Variants in RARB observed in about 807,000 individuals in gnomAD.
RARB encodes retinoic acid receptor beta, also known as HBV-activated protein.
In RARB, 17 loss-of-function variants were observed where a neutral mutation model predicts 51.9. The observed-to-expected ratio is 0.33, with a 90% CI of 0.22 to 0.49. The LOEUF (loss-of-function observed/expected upper bound fraction) is 0.49. RARB is among the 20% of genes least tolerant of loss of function. RARB has a pLI of 0.99. For synonymous variants in RARB, 215 were observed against 195.4 expected, an observed-to-expected ratio of 1.10 and a Z score of -0.84; for missense variants, 369 against 550.8, an observed-to-expected ratio of 0.67 and a Z score of 3.30.
At chr3:24,910,247 C>CA (rs1436501652) in intron 2 of RARB, among the ~76,000 whole-genome samples, 3 of 151,860 alleles carry the variant, frequency 2.0e-5, no homozygotes, top group Non-Finnish European at 2.9e-5. Context: ...GGGGTGCTGG[C>CA]AAAAAAACGT....
At chr3:24,875,154 T>A (rs7623607) in intron 2 of RARB, among the ~76,000 whole-genome samples, 1 of 152,158 alleles carries the variant, frequency 6.6e-6, no homozygotes, top group Non-Finnish European at 1.5e-5. Context: ...CAAGTCCTTT[T>A]GTTTTTTTCA....
intron 2 of RARB, among the ~76,000 whole-genome samples, chr3:24,995,787 A>G (rs1184827731): frequency 2.0e-5 from 3 of 152,268 alleles, no homozygotes; most frequent in South Asian, 4.1e-4. Flanking sequence ...ATGTTGAACC[A>G]TCCTTGTATC....
intron 2 of RARB, among the ~76,000 whole-genome samples, chr3:25,001,952 A>G (rs892318573): frequency 5.3e-5 from 8 of 151,974 alleles, no homozygotes; most frequent in African/African-American, 1.9e-4. Context: ...TAATTTTTTT[A>G]TAGATACAGG....
rs759589176 is a variant in RARB at position 25,007,592 on chromosome 3, C to CAAAAAAAAAAAAAAAAAAAAAAAAAAAAA, written c.-379-52521_-379-52520insAAAAAAAAAAAAAAAAAAAAAAAAAAAAA. On this transcript the variant is annotated intron_variant, in intron 2 of 11. Coordinates refer to the RARB transcript ENST00000383772. ...CCTGGGCAACAGAGTGAGACTGTCT[C>CAAAAAAAAAAAAAAAAAAAAAAAAAAAAA]AAAAAAAAAAAACAAAAAAACCTCA... is the stretch of plus-strand genomic sequence containing the variant. Among the ~76,000 whole-genome samples, 17 of 45,396 alleles carry CAAAAAAAAAAAAAAAAAAAAAAAAAAAAA rather than the reference C, an allele frequency of 3.7e-4. 1 individual carries two copies. The highest frequency in any genetic ancestry group is 3.0e-3 in the East Asian group (3 of 1,002). 29.8% of individuals were successfully genotyped at this position (45,396 alleles called of 152,430 possible).
chr3:25,231,152 A>G (rs1367156408), intron 5 of RARB, among the ~76,000 whole-genome samples: 1 of 152,192 alleles, frequency 6.6e-6, no homozygotes, highest in African/African-American at 2.4e-5. Context: ...AAATTTACAC[A>G]TTGCTATTAA....
intron 2 of RARB, among the ~76,000 whole-genome samples, chr3:24,875,714 T>C (rs539160145): frequency 6.6e-6 from 1 of 152,200 alleles, no homozygotes; most frequent in South Asian, 2.1e-4. Flanking sequence ...AAATCCATAA[T>C]ACAATGATCA....
At chr3:24,937,475 C>T (rs1575080445) in intron 2 of RARB, among the ~76,000 whole-genome samples, 1 of 152,232 alleles carries the variant, frequency 6.6e-6, no homozygotes, top group Middle Eastern at 3.4e-3. Context: ...GCTTCCCCAC[C>T]CACATGTACA....
rs146652073 is a variant in RARB, at chr3:25,399,455, G to T, written c.179-61738G>T. ...TGGGAAAACTGTTTGAACAGGAGCT[G>T]AATTGTTGGCTTTACTCTTTATCTT... On this transcript the variant is annotated intron_variant, in intron 5 of 11. Coordinates refer to the RARB transcript ENST00000383772. Among the ~76,000 whole-genome samples, 555 of 152,256 alleles carry T rather than the reference G, an allele frequency of 3.6e-3. 7 individuals carry two copies. The highest frequency in any genetic ancestry group is 0.013 in the African/African-American group (523 of 41,546).
chr3:25,236,056 A>G (rs1702294802), intron 5 of RARB, among the ~76,000 whole-genome samples: 4 of 152,172 alleles, frequency 2.6e-5, no homozygotes, highest in Non-Finnish European at 5.9e-5. Context: ...TTTTAACTCT[A>G]TCTTCTTTGG....
At chr3:24,853,044 G>T (rs1314109090) in intron 1 of RARB, among the ~76,000 whole-genome samples, 1 of 152,082 alleles carries the variant, frequency 6.6e-6, no homozygotes, top group African/African-American at 2.4e-5. Flanking sequence ...GCTGGGCACG[G>T]TGGCTCACGC....
rs769275874 is a variant in RARB at position 24,989,774 on chromosome 3, C to CTTTTTTTTTTTTTT, written c.-379-70328_-379-70315dup. 6.4e-4 allele frequency among the ~76,000 whole-genome samples: 19 copies of CTTTTTTTTTTTTTT among 29,532 alleles called. 3 individuals carry two copies. The highest frequency in any genetic ancestry group is 1.1e-3 in the African/African-American group (9 of 7,882). 19.4% of individuals were successfully genotyped at this position (29,532 alleles called of 152,430 possible). A position where few individuals can be genotyped will look rare whatever the true frequency, so the allele number is the denominator to read the frequency against. On this transcript the variant is annotated intron_variant, in intron 2 of 11. Transcript: ENST00000383772. ...ATTTTAACTGTTGTCATATGTTTTT[C>CTTTTTTTTTTTTTT]TTTTTTTTTTTTTTTTTTTTTTTTT...
At chr3:25,260,014 C>G in intron 5 of RARB, 1 of 983,746 alleles carries the variant, frequency 1.0e-6, no homozygotes, top group Non-Finnish European at 1.2e-6. Flanking sequence ...GTTTTTGAAA[C>G]GTTTTTCCCC....
chr3:25,461,067 A>C, intron 1 of RARB, 126 bp from the exon 2 acceptor site: 1 of 1,111,238 alleles, frequency 9.0e-7, no homozygotes, highest in Non-Finnish European at 1.2e-6. Flanking sequence ...AGCTGTTTTT[A>C]TGAGCCCATT....
At position 25,114,773 on chromosome 3, in the gene RARB, T is replaced by C. The variant is rs976303387; in HGVS notation, c.-327-17388T>C. ...ACACCTCTGGCAAGATCAGGAAAGC[T>C]CTAACATGCCAAATGATGGTTGGCA... On this transcript the variant is annotated intron_variant, in intron 3 of 11. Transcript: ENST00000383772. Among the ~76,000 whole-genome samples the C allele has an allele frequency of 3.3e-5, 5 of 152,194 alleles. No individual in the cohort carries two copies. In the South Asian group the frequency reaches 6.2e-4, roughly 19 times the overall value.
chr3:25,305,428 C>A (rs979449662), intron 5 of RARB, among the ~76,000 whole-genome samples: 1 of 152,130 alleles, frequency 6.6e-6, no homozygotes, highest in Admixed American at 6.5e-5. Flanking sequence ...AGTGATATAC[C>A]ACCCAAAAGG....
chr3:25,326,058 T>C (rs1704708083), intron 5 of RARB, among the ~76,000 whole-genome samples: 1 of 152,180 alleles, frequency 6.6e-6, no homozygotes, highest in Non-Finnish European at 1.5e-5. Flanking sequence ...GTCATGAGAA[T>C]TTCTTAAAGA....
intron 5 of RARB, among the ~76,000 whole-genome samples, chr3:25,326,989 C>G (rs1029648201): frequency 2.0e-5 from 3 of 152,114 alleles, no homozygotes; most frequent in African/African-American, 2.4e-5. Context: ...TCCCTCCCCC[C>G]TCCTCCCACC....
intron 3 of RARB, among the ~76,000 whole-genome samples, chr3:25,550,549 TACGTC>T (rs1418475484): frequency 6.6e-6 from 1 of 152,166 alleles, no homozygotes; most frequent in Non-Finnish European, 1.5e-5. Context: ...CCCTCATGAC[TACGTC>T]ACCTCCCAAA....
At chr3:25,210,464 C>T (rs1701664542) in intron 5 of RARB, among the ~76,000 whole-genome samples, 1 of 150,512 alleles carries the variant, frequency 6.6e-6, no homozygotes, top group Non-Finnish European at 1.5e-5. Context: ...GGTGTTTTCT[C>T]ACCACAGGGT....
Sources: gnomAD v4.1 joint callset for allele counts (sites outside exome capture counted in the v4.1 genomes callset) on GRCh38, gnomAD v4.1.1 for gene constraint, MANE v1.5 for transcripts, NCBI Gene and HGNC (gene_info 2026-07-23, HGNC 2026-07-21) for gene names.